ANKS1A: variants seen among roughly 807,000 people sequenced by gnomAD.
ANKS1A encodes ankyrin repeat and SAM domain-containing protein 1A.
Under a neutral mutation model 120.3 loss-of-function variants are expected in ANKS1A, and 55 were observed. The observed-to-expected ratio is 0.46, with a 90% confidence interval of 0.37 to 0.57. The LOEUF (loss-of-function observed/expected upper bound fraction) is 0.57. Ranked by LOEUF, ANKS1A falls within the 20% of genes least tolerant of loss-of-function variation. The pLI is 0.00. For missense variants in ANKS1A, 1,123 were observed against 1,480.3 expected, an observed-to-expected ratio of 0.76 and a Z score of 3.96; for synonymous variants, 590 against 604.7, an observed-to-expected ratio of 0.98 and a Z score of 0.36.
intron 1 of ANKS1A, among the ~76,000 whole-genome samples, chr6:34,921,197 C>G (rs1268208905): frequency 6.6e-6 from 1 of 152,208 alleles, no homozygotes; most frequent in Non-Finnish European, 1.5e-5. Context: ...ATACAGAAAA[C>G]TTACACAACA....
chr6:35,012,279 C>A (rs1042633919), intron 10 of ANKS1A, among the ~76,000 whole-genome samples: 4 of 152,126 alleles, frequency 2.6e-5, no homozygotes, highest in African/African-American at 9.7e-5. Flanking sequence ...TCTCAGGTTG[C>A]CGTGGACCAA....
In ANKS1A at chr6:35,084,124, G is replaced by A. The variant is rs752944941; in HGVS notation, c.2998G>A (p.Val1000Ile). Reference protein sequence around the residue: ...VKFIDASNKNVIAEHEIRNIS... With the variant: ...VKFIDASNKNIIAEHEIRNIS... ...AGAACACGGCTTTCCCCAGCAGAACGTCATTGCAGAGCACGAGATCCGGAA... is the reference window on the plus strand; with the variant it reads ...AGAACACGGCTTTCCCCAGCAGAACATCATTGCAGAGCACGAGATCCGGAA... The change falls in exon 21 of 24, where the codon GTC becomes ATC. Residue 1000 changes from valine (V) to isoleucine (I), a missense_variant. By Grantham distance (29) the Val-to-Ile change is conservative. Coordinates refer to ENST00000360359, the MANE Select transcript of ANKS1A (RefSeq NM_015245.3). The surrounding 1 kb of genome is among the most constrained non-coding windows in gnomAD (Gnocchi z 4.8). 3.5e-5 allele frequency: 57 copies of A among 1,614,032 alleles called. No homozygotes were observed. The highest frequency in any genetic ancestry group is 4.6e-5 in the Non-Finnish European group (54 of 1,180,006).
At chr6:35,024,184 C>T (rs1388090067) in intron 11 of ANKS1A, among the ~76,000 whole-genome samples, 1 of 152,210 alleles carries the variant, frequency 6.6e-6, no homozygotes, top group Non-Finnish European at 1.5e-5. Context: ...GCGGCAGAGT[C>T]TCCTTTTGGT....
chr6:35,012,980 G>A (rs960991882), intron 10 of ANKS1A, among the ~76,000 whole-genome samples: 1 of 152,100 alleles, frequency 6.6e-6, no homozygotes, highest in African/African-American at 2.4e-5. Flanking sequence ...ACTAGTCCCT[G>A]GGCGTGAGGT....
chr6:35,025,903 A>G (rs998645710), intron 11 of ANKS1A, among the ~76,000 whole-genome samples: 1 of 152,022 alleles, frequency 6.6e-6, no homozygotes, highest in Non-Finnish European at 1.5e-5. Context: ...TCCCCCACTA[A>G]ACAGCCTGGT....
chr6:35,056,334 G>T (rs950109586), intron 12 of ANKS1A, among the ~76,000 whole-genome samples: 2 of 152,176 alleles, frequency 1.3e-5, no homozygotes, highest in African/African-American at 4.8e-5. Context: ...TTTCGCCCAG[G>T]CTGGAGTGCA....
chr6:34,961,401 G>A (rs971226110), intron 1 of ANKS1A, among the ~76,000 whole-genome samples: 2 of 152,114 alleles, frequency 1.3e-5, no homozygotes, highest in East Asian at 1.9e-4. Context: ...TGTTTAATGT[G>A]TTCCCCAGTC....
At chr6:35,056,755 G>A (rs1055211795) in intron 12 of ANKS1A, among the ~76,000 whole-genome samples, 5 of 152,098 alleles carry the variant, frequency 3.3e-5, no homozygotes, top group African/African-American at 1.2e-4. Context: ...ACATGTGGGG[G>A]ACCACCTAAA....
chr6:34,900,525 A>C (rs1350857190), intron 1 of ANKS1A, among the ~76,000 whole-genome samples: 1 of 152,098 alleles, frequency 6.6e-6, no homozygotes, highest in African/African-American at 2.4e-5. Flanking sequence ...TCTGGAGCTC[A>C]AGCGATCCTC....
chr6:35,013,736 C>T (rs1367910976), intron 10 of ANKS1A, among the ~76,000 whole-genome samples: 1 of 152,248 alleles, frequency 6.6e-6, no homozygotes, highest in African/African-American at 2.4e-5. Context: ...TACCTTCTGT[C>T]CCTTCCTTCT....
chr6:35,026,115 C>T (rs1233585254), intron 11 of ANKS1A, among the ~76,000 whole-genome samples: 1 of 152,168 alleles, frequency 6.6e-6, no homozygotes, highest in African/African-American at 2.4e-5. Context: ...TGCTGAGAAT[C>T]AGAGAAGGAA....
chr6:35,083,319 C>T (rs989506868), intron 19 of ANKS1A, 93 bp downstream of exon 19: 5 of 1,594,892 alleles, frequency 3.1e-6, no homozygotes, highest in Non-Finnish European at 4.3e-6. Flanking sequence ...GGCCCTGCTG[C>T]ACTATGTAAG....
At chr6:34,960,807 C>T (rs1770597343) in intron 1 of ANKS1A, among the ~76,000 whole-genome samples, 2 of 152,322 alleles carry the variant, frequency 1.3e-5, no homozygotes, top group African/African-American at 4.8e-5. Context: ...CTTGCTCAAA[C>T]TTCTAGAAGT....
chr6:35,035,260 T>C (rs538850774), intron 11 of ANKS1A, among the ~76,000 whole-genome samples: 2 of 152,222 alleles, frequency 1.3e-5, no homozygotes, highest in Non-Finnish European at 2.9e-5. Context: ...TTGAAGGAAG[T>C]TGAGTGGCTC....
chr6:35,083,315 G>C, intron 19 of ANKS1A, 89 bp downstream of exon 19: 1 of 1,595,668 alleles, frequency 6.3e-7, no homozygotes, highest in Non-Finnish European at 8.6e-7. Flanking sequence ...CCTGGGCCCT[G>C]CTGCACTATG....
chr6:35,052,609 TAAAAAAAAAAA>T (rs59378149), intron 11 of ANKS1A, among the ~76,000 whole-genome samples: 8 of 102,412 alleles, frequency 7.8e-5, no homozygotes, highest in African/African-American at 2.4e-4. Context: ...TCTTCTCTGT[TAAAAAAAAAAA>T]AAAAAAAAAA....
In ANKS1A at chr6:35,060,122, C is replaced by T. The variant is rs866203158; in HGVS notation, c.2078-25C>T. 3 of 1,594,246 alleles carry T rather than the reference C, an allele frequency of 1.9e-6. No individual in the cohort carries two copies. The highest frequency in any genetic ancestry group is 1.1e-5 in the South Asian group (1 of 89,046). ...CCTTAATGGTTTTTCCCTTTTCAAG[C>T]GTCTGCCGATTCCTCTCTCATCAGG... On this transcript the variant is annotated intron_variant, in intron 12 of 23. Coordinates refer to ENST00000360359, the MANE Select transcript of ANKS1A (RefSeq NM_015245.3). This position sits in a 1 kb window ranked among gnomAD's most constrained non-coding sequence, Gnocchi z 4.5.
chr6:34,891,245 T>G (rs1216254930), intron 1 of ANKS1A, among the ~76,000 whole-genome samples: 1 of 152,154 alleles, frequency 6.6e-6, no homozygotes, highest in Non-Finnish European at 1.5e-5. Context: ...GGAGACTTAT[T>G]TGGTGCTCCT....
chr6:34,892,702 C>T (rs1766881605), intron 1 of ANKS1A, among the ~76,000 whole-genome samples: 1 of 152,202 alleles, frequency 6.6e-6, no homozygotes, highest in Non-Finnish European at 1.5e-5. Flanking sequence ...TAAAGCCCTT[C>T]CTGATGACCC....
Sources: allele counts gnomAD v4.1 joint callset (sites outside exome capture counted in the v4.1 genomes callset), GRCh38; gene constraint gnomAD v4.1.1; non-coding constraint Gnocchi (gnomAD v3.1); transcripts MANE v1.5; gene names NCBI Gene and HGNC (gene_info 2026-07-23, HGNC 2026-07-21).